The following MSH4 variants were observed in gnomAD, a reference collection of about 807,000 sequenced individuals.
MSH4 encodes the protein mutS homolog 4, also known as mutS protein homolog 4.
In MSH4, 106 loss-of-function variants were observed where a neutral mutation model predicts 113.7. The observed-to-expected ratio is 0.93, with a 90% confidence interval of 0.80 to 1.10. The LOEUF is 1.10. Ranked by LOEUF, MSH4 falls within the 50% of genes least tolerant of loss-of-function variation. The pLI is 0.00. For missense variants in MSH4, 1,061 were observed against 1,093.7 expected, an observed-to-expected ratio of 0.97 and a Z score of 0.42; for synonymous variants, 368 against 380.2, an observed-to-expected ratio of 0.97 and a Z score of 0.37.
chr1:75,857,210 T>C (rs148536113), intron 8 of MSH4, among the ~76,000 whole-genome samples: 1 of 152,102 alleles, frequency 6.6e-6, no homozygotes, highest in Non-Finnish European at 1.5e-5. Context: ...ATGGATAGAT[T>C]GCAAAAATTT....
chr1:75,909,615 T>G (rs1328284171), intron 19 of MSH4, among the ~76,000 whole-genome samples: 1 of 152,040 alleles, frequency 6.6e-6, no homozygotes. Context: ...GCATTAGATA[T>G]TTGTCCTAAT....
At chr1:75,907,684 C>CATATATATA (rs1652690842) in intron 19 of MSH4, among the ~76,000 whole-genome samples, 17 of 46,564 alleles carry the variant, frequency 3.7e-4, no homozygotes, top group Non-Finnish European at 6.0e-4. Context: ...CTCTCTCTCT[C>CATATATATA]TATACATATA....
chr1:75,861,113 A>G (rs1651445710), intron 8 of MSH4, among the ~76,000 whole-genome samples: 1 of 152,176 alleles, frequency 6.6e-6, no homozygotes, highest in African/African-American at 2.4e-5. Context: ...CAACTCCATC[A>G]GGACATTTAA....
intron 2 of MSH4, among the ~76,000 whole-genome samples, chr1:75,804,953 G>A (rs1386519630): frequency 2.0e-5 from 3 of 151,442 alleles, no homozygotes; most frequent in East Asian, 3.9e-4. Flanking sequence ...TCAGCCTCCC[G>A]AGTAGCTGAG....
intron 9 of MSH4, 73 bp from the exon 10 acceptor site, chr1:75,876,859 TAAAC>T (rs1651827254): frequency 1.3e-6 from 1 of 773,760 alleles, no homozygotes; most frequent in Non-Finnish European, 2.0e-6. Context: ...TATAAAGTAT[TAAAC>T]AACTGTAAAA....
intron 8 of MSH4, among the ~76,000 whole-genome samples, chr1:75,850,241 C>G (rs1204856125): frequency 6.6e-6 from 1 of 152,058 alleles, no homozygotes; most frequent in Non-Finnish European, 1.5e-5. Context: ...AAGGAGGAAG[C>G]TGAGGTCATT....
chr1:75,858,212 C>G (rs563748139), intron 8 of MSH4, among the ~76,000 whole-genome samples: 3 of 152,226 alleles, frequency 2.0e-5, no homozygotes, highest in Admixed American at 2.0e-4. Context: ...CATCTGCAAA[C>G]AGAGACAATT....
intron 7 of MSH4, among the ~76,000 whole-genome samples, chr1:75,823,439 A>C (rs1021390506): frequency 6.6e-6 from 1 of 152,168 alleles, no homozygotes; most frequent in Non-Finnish European, 1.5e-5. Context: ...AGTCACCAAC[A>C]GGCATATTGC....
intron 1 of MSH4, among the ~76,000 whole-genome samples, chr1:75,799,260 A>G (rs1227247689): frequency 6.6e-6 from 1 of 152,074 alleles, no homozygotes; most frequent in Non-Finnish European, 1.5e-5. Context: ...TGATCCTCAC[A>G]ATAATTTTGC....
intron 7 of MSH4, among the ~76,000 whole-genome samples, chr1:75,836,302 CT>C (rs71071968): frequency 5.9e-5 from 8 of 135,914 alleles, no homozygotes; most frequent in African/African-American, 8.2e-5. Context: ...CTTTCTTTTT[CT>C]TTTTTTTTTT....
At chr1:75,876,720 G>T (rs1018346026) in intron 9 of MSH4, among the ~76,000 whole-genome samples, 2 of 151,942 alleles carry the variant, frequency 1.3e-5, no homozygotes, top group Non-Finnish European at 2.9e-5. Context: ...AATAAGCAGT[G>T]GATGGCACTA....
At chr1:75,808,177 C>T (rs1002595770) in intron 3 of MSH4, among the ~76,000 whole-genome samples, 1 of 152,164 alleles carries the variant, frequency 6.6e-6, no homozygotes, top group African/African-American at 2.4e-5. Context: ...TCTATCTCAT[C>T]AAAAGACTTA....
At position 75,912,672 on chromosome 1, in the gene MSH4, ATATTTTT is replaced by A; in HGVS notation, c.2620-22_2620-16del. The A allele has an allele frequency of 8.1e-7, 1 of 1,242,134 alleles. No individual in the cohort carries two copies. The highest frequency in any genetic ancestry group is 1.1e-6 in the Non-Finnish European group (1 of 944,416). 76.9% of individuals were successfully genotyped at this position (1,242,134 alleles called of 1,614,324 possible). A position where few individuals can be genotyped will look rare whatever the true frequency, so the allele number is the denominator to read the frequency against. Reference sequence around the variant, plus strand: ...TTATGGTATTTGTGTATATATATATATATTTTTTTTTTTTCAATGACAGCAAAACCAA... The same window carrying A: ...TTATGGTATTTGTGTATATATATATATTTTTTTCAATGACAGCAAAACCAA... On this transcript the variant is annotated splice_polypyrimidine_tract_variant and intron_variant, in intron 19 of 19. Coordinates refer to ENST00000263187, the MANE Select transcript of MSH4 (RefSeq NM_002440.4).
intron 19 of MSH4, among the ~76,000 whole-genome samples, chr1:75,908,105 G>A (rs1346767721): frequency 4.1e-5 from 6 of 147,334 alleles, no homozygotes; most frequent in South Asian, 2.1e-4. Flanking sequence ...CAGTTCCAGG[G>A]TTTCAAATCT....
chr1:75,878,488 C>T (rs1296992596), intron 11 of MSH4, among the ~76,000 whole-genome samples, 170 bp downstream of exon 11: 1 of 152,100 alleles, frequency 6.6e-6, no homozygotes, highest in Admixed American at 6.6e-5. Context: ...TATGTGGCAG[C>T]CTTCATACTA....
intron 19 of MSH4, among the ~76,000 whole-genome samples, chr1:75,901,874 T>C (rs11161845): frequency 0.2 from 30,465 of 152,060 alleles, 3,205 homozygotes; most frequent in Middle Eastern, 0.27. Context: ...TGATATCTCA[T>C]TGTGGTTTTG....
intron 6 of MSH4, among the ~76,000 whole-genome samples, chr1:75,818,993 C>G (rs1342561370): frequency 6.6e-6 from 1 of 152,010 alleles, no homozygotes; most frequent in East Asian, 1.9e-4. Context: ...GTCTCGATCT[C>G]CTGACCTCAT....
intron 9 of MSH4, among the ~76,000 whole-genome samples, chr1:75,872,673 T>C (rs971215422): frequency 1.3e-5 from 2 of 152,232 alleles, no homozygotes; most frequent in Non-Finnish European, 2.9e-5. Context: ...AATGGTATAC[T>C]GATCATGAAA....
In MSH4 at chr1:75,913,116, C is replaced by T. The variant is rs1235432412; in HGVS notation, c.*229C>T. 3 of 229,890 alleles carry T rather than the reference C, an allele frequency of 1.3e-5. No individual in the cohort carries two copies. Among genetic ancestry groups the T allele is most frequent in the Non-Finnish European group, 2.5e-5 (3 of 120,688 alleles). 14.2% of individuals were successfully genotyped at this position (229,890 alleles called of 1,614,324 possible). ...TTTTATGTTAGGAGAAAATACAATACACCACTTTTTTCTCACAAAAATTCA... is the reference window on the plus strand; with the variant it reads ...TTTTATGTTAGGAGAAAATACAATATACCACTTTTTTCTCACAAAAATTCA... On this transcript the variant is annotated 3_prime_UTR_variant, in exon 20 of 20. Transcript: ENST00000263187.
Sources: gnomAD v4.1 joint callset for allele counts (sites outside exome capture counted in the v4.1 genomes callset) on GRCh38, gnomAD v4.1.1 for gene constraint, MANE v1.5 for transcripts, NCBI Gene and HGNC (gene_info 2026-07-23, HGNC 2026-07-21) for gene names.